Variants in STPG2 observed in about 807,000 individuals in gnomAD.
STPG2 encodes the protein sperm-tail PG-rich repeat-containing protein 2.
In STPG2, 56 loss-of-function variants were observed where a neutral mutation model predicts 54.2. The ratio of observed to expected loss-of-function variants is 1.03; its 90% CI spans 0.83 to 1.29. The LOEUF (loss-of-function observed/expected upper bound fraction) is 1.29. Ranked by LOEUF, STPG2 falls within the 50% of genes most tolerant of loss-of-function variation. STPG2 has a pLI of 0.00. For missense variants in STPG2, 596 were observed against 544.9 expected (o/e 1.09, Z -0.93); for synonymous variants, 200 against 181.8 (o/e 1.10, Z -0.81).
chr4:97,923,428 G>C (rs767665489), intron 8 of STPG2, among the ~76,000 whole-genome samples: 10 of 152,256 alleles, frequency 6.6e-5, no homozygotes, highest in Admixed American at 2.0e-4. Flanking sequence ...AGGACTGGCA[G>C]GCAGCTCCAC....
chr4:97,920,188 C>T (rs1206326017), intron 8 of STPG2, among the ~76,000 whole-genome samples: 1 of 152,192 alleles, frequency 6.6e-6, no homozygotes, highest in Non-Finnish European at 1.5e-5. Context: ...AGACATCAAT[C>T]TAGTGCAGTC....
chr4:97,662,921 C>T (rs2148962896), intron 10 of STPG2, among the ~76,000 whole-genome samples: 1 of 151,954 alleles, frequency 6.6e-6, no homozygotes, highest in South Asian at 2.1e-4. Context: ...GCACATGTAC[C>T]CCGAATATAA....
chr4:97,819,823 C>T (rs1158114617), intron 9 of STPG2, among the ~76,000 whole-genome samples: 2 of 151,764 alleles, frequency 1.3e-5, no homozygotes, highest in East Asian at 3.9e-4. Flanking sequence ...AGTATTTGTT[C>T]ACATAGAGAA....
intron 9 of STPG2, among the ~76,000 whole-genome samples, chr4:97,823,572 C>T (rs556188834): frequency 1.1e-3 from 172 of 152,214 alleles, no homozygotes; most frequent in Non-Finnish European, 1.8e-3. Context: ...TCTTAATAAA[C>T]TTGCTTTCAT....
chr4:97,511,469 A>C (rs1730971098), intron 4 of STPG2, among the ~76,000 whole-genome samples: 1 of 152,078 alleles, frequency 6.6e-6, no homozygotes, highest in Non-Finnish European at 1.5e-5. Context: ...AGAAAATTTT[A>C]ACAGAGGAGT....
At chr4:97,966,457 A>AT (rs1253854497) in intron 7 of STPG2, among the ~76,000 whole-genome samples, 1 of 152,252 alleles carries the variant, frequency 6.6e-6, no homozygotes, top group Non-Finnish European at 1.5e-5. Flanking sequence ...TCTTCACAAT[A>AT]TTATCCAGGA....
chr4:97,946,649 T>C (rs1733236109), intron 7 of STPG2, among the ~76,000 whole-genome samples: 1 of 152,240 alleles, frequency 6.6e-6, no homozygotes, highest in Non-Finnish European at 1.5e-5. Context: ...TTGAATAGGG[T>C]GTCCATTCCC....
At chr4:98,053,866 G>A (rs922655751) in intron 5 of STPG2, among the ~76,000 whole-genome samples, 6 of 152,004 alleles carry the variant, frequency 3.9e-5, no homozygotes, top group African/African-American at 9.7e-5. Context: ...GCTTTAATCC[G>A]CAAATTCATT....
At chr4:97,963,477 A>T (rs772970867) in intron 7 of STPG2, among the ~76,000 whole-genome samples, 1 of 152,040 alleles carries the variant, frequency 6.6e-6, no homozygotes, top group Non-Finnish European at 1.5e-5. Context: ...GCAAAGTGAG[A>T]CCTTGTCTCT....
intron 6 of STPG2, among the ~76,000 whole-genome samples, chr4:97,975,591 T>C (rs180703997): frequency 6.6e-6 from 1 of 152,176 alleles, no homozygotes; most frequent in African/African-American, 2.4e-5. Flanking sequence ...CATTTGAGTA[T>C]GTTGTTTAAA....
intron 9 of STPG2, among the ~76,000 whole-genome samples, chr4:97,736,402 G>A (rs113948471): frequency 5.9e-5 from 9 of 152,308 alleles, no homozygotes; most frequent in African/African-American, 1.7e-4. Context: ...GAAGCAGGGC[G>A]AGGCATTGCC....
chr4:97,778,280 T>C (rs553231879), intron 9 of STPG2, among the ~76,000 whole-genome samples: 13 of 151,810 alleles, frequency 8.6e-5, no homozygotes, highest in Non-Finnish European at 1.9e-4. Flanking sequence ...CATGCCTGGC[T>C]CGGAGGGTCC....
chr4:98,101,842 A>C (rs1241920362), intron 5 of STPG2, among the ~76,000 whole-genome samples: 1 of 151,522 alleles, frequency 6.6e-6, no homozygotes, highest in African/African-American at 2.4e-5. Context: ...CAAGCCATGA[A>C]TCCCCTTATG....
chr4:98,040,213 G>C (rs1421811076), intron 5 of STPG2, among the ~76,000 whole-genome samples: 2 of 151,790 alleles, frequency 1.3e-5, no homozygotes, highest in East Asian at 3.9e-4. Flanking sequence ...GTAGATTATG[G>C]ATATTAGTCC....
chr4:97,915,421 C>T (rs185369236), intron 8 of STPG2, among the ~76,000 whole-genome samples: 20 of 152,098 alleles, frequency 1.3e-4, no homozygotes, highest in African/African-American at 4.8e-4. Flanking sequence ...CTTAAGTAAC[C>T]ACCTCCAAAG....
intron 3 of STPG2, among the ~76,000 whole-genome samples, chr4:98,123,645 G>A (rs4440223): frequency 0.4 from 60,135 of 152,016 alleles, 12,141 homozygotes; most frequent in Middle Eastern, 0.46. Context: ...ATGTAGTGCC[G>A]AGAAGAACGT....
chr4:97,507,334 TATA>T (rs1730871536), intron 4 of STPG2, among the ~76,000 whole-genome samples: 1 of 152,096 alleles, frequency 6.6e-6, no homozygotes, highest in South Asian at 2.1e-4. Context: ...CCCAGGAAGA[TATA>T]ACAATTCTAA....
At chr4:97,749,308 G>C (rs1471999183) in intron 9 of STPG2, among the ~76,000 whole-genome samples, 1 of 151,680 alleles carries the variant, frequency 6.6e-6, no homozygotes, top group Admixed American at 6.6e-5. Flanking sequence ...ACACTATAGA[G>C]TATAAGTTGC....
At chr4:97,985,644 T>A in intron 5 of STPG2, among the ~76,000 whole-genome samples, 1 of 152,186 alleles carries the variant, frequency 6.6e-6, no homozygotes, top group African/African-American at 2.4e-5. Context: ...CAAATAAACA[T>A]TAACATTACC....
Sources: gnomAD v4.1 joint callset for allele counts (sites outside exome capture counted in the v4.1 genomes callset) on GRCh38, gnomAD v4.1.1 for gene constraint, MANE v1.5 for transcripts, NCBI Gene and HGNC (gene_info 2026-07-23, HGNC 2026-07-21) for gene names.